Variants in CELF1 observed in about 807,000 individuals in gnomAD.
CELF1 encodes 50 kDa nuclear polyadenylated RNA-binding protein.
Under a neutral mutation model 61.8 loss-of-function variants are expected in CELF1, and 10 were observed. The ratio of observed to expected loss-of-function variants is 0.16; its 90% CI spans 0.10 to 0.27. CELF1 has a LOEUF of 0.27. Among genes scored for constraint, CELF1 ranks in the 10% least tolerant of loss-of-function variants. The pLI, the probability that CELF1 is intolerant of heterozygous loss-of-function variation, is 1.00. For synonymous variants in CELF1, 236 were observed against 225.1 expected (o/e 1.05, Z -0.43); for missense variants, 380 against 639.1 (o/e 0.59, Z 4.37).
At chr11:47,560,164 G>A (rs1291227702) in intron 2 of CELF1, among the ~76,000 whole-genome samples, 2 of 152,104 alleles carry the variant, frequency 1.3e-5, no homozygotes, top group South Asian at 2.1e-4. Flanking sequence ...GGTGGTGCAC[G>A]CCTGTAATCC....
chr11:47,494,521 T>G (rs1596798580), intron 3 of CELF1: 2 of 979,140 alleles, frequency 2.0e-6, no homozygotes. Flanking sequence ...TTTCAAAGTA[T>G]GTATTTGTTC....
At position 47,495,140 on chromosome 11, in the gene CELF1, T is replaced by C. The variant is rs2092821023; in HGVS notation, c.71+4313A>G. Among the ~76,000 whole-genome samples the C allele has an allele frequency of 2.0e-5, 3 of 152,196 alleles. No homozygotes were observed. The South Asian group carries it at 6.2e-4, about 32-fold the overall frequency. On this transcript the variant is annotated intron_variant, in intron 3 of 14. Coordinates refer to ENST00000687097, the MANE Select transcript of CELF1 (RefSeq NM_001376376.1). ...GAACTGGTTAACAGAAACAGGCAGTTAGTAGTGAAGTCAGAAGTGGAAAAG... is the reference window on the plus strand; with the variant it reads ...GAACTGGTTAACAGAAACAGGCAGTCAGTAGTGAAGTCAGAAGTGGAAAAG...
At chr11:47,478,032 G>A (rs576475040) in intron 10 of CELF1, among the ~76,000 whole-genome samples, 1 of 152,292 alleles carries the variant, frequency 6.6e-6, no homozygotes, top group Admixed American at 6.5e-5. Context: ...TCTAAACTGT[G>A]CTGTCGCTGC....
chr11:47,554,872 C>T (rs868799768), upstream of CELF1, among the ~76,000 whole-genome samples: 1 of 152,090 alleles, frequency 6.6e-6, no homozygotes, highest in Non-Finnish European at 1.5e-5. Context: ...CCCTGTTGGT[C>T]AGGCTGGTCT....
At chr11:47,505,585 G>C (rs1216704970) in intron 1 of CELF1, among the ~76,000 whole-genome samples, 1 of 149,756 alleles carries the variant, frequency 6.7e-6, no homozygotes, top group Admixed American at 6.7e-5. Context: ...AGAGCTTGCA[G>C]TGAGCCGAGA....
intron 1 of CELF1, among the ~76,000 whole-genome samples, chr11:47,533,548 G>A (rs879917342): frequency 2.6e-5 from 4 of 152,186 alleles, no homozygotes; most frequent in Admixed American, 6.5e-5. Context: ...CTTAAACTCC[G>A]GAAGGCGGAA....
At chr11:47,498,431 T>C (rs1236582609) in intron 3 of CELF1, among the ~76,000 whole-genome samples, 1 of 152,148 alleles carries the variant, frequency 6.6e-6, no homozygotes, top group Non-Finnish European at 1.5e-5. Flanking sequence ...AGAGCTAACT[T>C]TGAGCCCTGC....
At chr11:47,497,695 T>C (rs1452938111) in intron 3 of CELF1, among the ~76,000 whole-genome samples, 2 of 152,174 alleles carry the variant, frequency 1.3e-5, no homozygotes, top group South Asian at 2.1e-4. Flanking sequence ...TCTCGAACTT[T>C]AGTGTGCACA....
upstream of CELF1, chr11:47,565,512 C>G (rs1049884228): frequency 1.0e-6 from 1 of 991,136 alleles, no homozygotes; most frequent in Non-Finnish European, 1.3e-6. Flanking sequence ...CGGTGCGAGC[C>G]CGCGAGAGGC....
intron 1 of CELF1, among the ~76,000 whole-genome samples, chr11:47,541,656 CTCCAGAGCCTGGTGACAGGGCGAGACTG>C: frequency 6.8e-6 from 1 of 147,730 alleles, no homozygotes; most frequent in Non-Finnish European, 1.5e-5. Context: ...CACCACTGTA[CTCCAGAGCCTGGTGACAGGGCGAGACTG>C]TCAAAGAAAG....
Position 47,521,109 on chromosome 11 carries a change from G to A in CELF1, c.-153-20177C>T, listed in dbSNP as rs1256742278. Among the ~76,000 whole-genome samples the A allele has an allele frequency of 1.1e-4, 17 of 152,114 alleles. No homozygotes were observed. In the East Asian group the frequency reaches 2.9e-3, roughly 26 times the overall value. Reference sequence around the variant, plus strand: ...TACTAAAAATACAAAAAAATTAGCCGGGCATAGTGGCGGGCGCCTGTAGTC... The same window carrying A: ...TACTAAAAATACAAAAAAATTAGCCAGGCATAGTGGCGGGCGCCTGTAGTC... On this transcript the variant is annotated intron_variant, in intron 1 of 14. Transcript: ENST00000687097.
Position 47,486,721 on chromosome 11 carries a change from T to C in CELF1, c.391+29A>G, listed in dbSNP as rs758911481. ...CCGTGCCTGGCCTAGGCAGAAATCT[T>C]AAGGGGAAGATTGTATACATTTGCT... On this transcript the variant is annotated intron_variant, in intron 6 of 14. Transcript: ENST00000687097. 7.5e-6 allele frequency: 12 copies of C among 1,597,942 alleles called. No individual in the cohort carries two copies. In the Admixed American group the frequency reaches 1.2e-4, roughly 16 times the overall value.
At chr11:47,531,393 C>A (rs771849321) in intron 1 of CELF1, among the ~76,000 whole-genome samples, 7 of 152,120 alleles carry the variant, frequency 4.6e-5, no homozygotes, top group Non-Finnish European at 7.3e-5. Context: ...CATGGTGAAA[C>A]CCCATCTCTA....
intron 4 of CELF1, among the ~76,000 whole-genome samples, chr11:47,488,329 C>T (rs2088995046): frequency 6.6e-6 from 1 of 152,236 alleles, no homozygotes; most frequent in Admixed American, 6.5e-5. Context: ...AGCAAACAAG[C>T]TGCCTAAACA....
At chr11:47,546,479 C>T (rs1252715520) in intron 1 of CELF1, among the ~76,000 whole-genome samples, 1 of 152,060 alleles carries the variant, frequency 6.6e-6, no homozygotes, top group Non-Finnish European at 1.5e-5. Flanking sequence ...GATCCGCCCA[C>T]CCTGGCCTCC....
At chr11:47,486,223 T>C (rs570140126) in intron 6 of CELF1, among the ~76,000 whole-genome samples, 1 of 151,582 alleles carries the variant, frequency 6.6e-6, no homozygotes, top group South Asian at 2.1e-4. Flanking sequence ...TGCCCCCTCA[T>C]TCCTGTCCAA....
At chr11:47,480,815 A>G (rs1163881537) in intron 9 of CELF1, among the ~76,000 whole-genome samples, 3 of 152,136 alleles carry the variant, frequency 2.0e-5, no homozygotes, top group Non-Finnish European at 4.4e-5. Context: ...TAGGCAAATC[A>G]CTTGAGGTCG....
At chr11:47,525,324 A>C (rs1363635811) in intron 1 of CELF1, among the ~76,000 whole-genome samples, 1 of 152,242 alleles carries the variant, frequency 6.6e-6, no homozygotes, top group Non-Finnish European at 1.5e-5. Context: ...TACTTAGAAC[A>C]ATTCATTTAG....
At chr11:47,537,100 G>C (rs1007051348) in intron 1 of CELF1, among the ~76,000 whole-genome samples, 1 of 152,150 alleles carries the variant, frequency 6.6e-6, no homozygotes, top group Non-Finnish European at 1.5e-5. Flanking sequence ...CAGACTGCCA[G>C]CAATATCAGA....
Sources: allele counts gnomAD v4.1 joint callset (sites outside exome capture counted in the v4.1 genomes callset), GRCh38; gene constraint gnomAD v4.1.1; transcripts MANE v1.5; gene names NCBI Gene and HGNC (gene_info 2026-07-23, HGNC 2026-07-21).